The following FYN variants were observed in gnomAD, a reference collection of about 807,000 sequenced individuals.
The protein encoded by FYN is tyrosine-protein kinase Fyn.
FYN carries 10 observed loss-of-function variants against 70.2 expected under a neutral mutation model. That is an observed-to-expected ratio of 0.14 (90% CI 0.09 to 0.24). FYN has a LOEUF of 0.24. FYN is among the 10% of genes least tolerant of loss of function. FYN has a pLI of 1.00. For synonymous variants in FYN, 236 were observed against 248.6 expected, an observed-to-expected ratio of 0.95 and a Z score of 0.48; for missense variants, 319 against 673.1, an observed-to-expected ratio of 0.47 and a Z score of 5.82.
intron 1 of FYN, among the ~76,000 whole-genome samples, chr6:111,847,926 T>C (rs1189983700): frequency 6.6e-6 from 1 of 152,188 alleles, no homozygotes; most frequent in Non-Finnish European, 1.5e-5. Context: ...TAGCAACCCA[T>C]ATCATCTCAC....
chr6:111,666,092 C>T (rs764747747), intron 13 of FYN, among the ~76,000 whole-genome samples: 49 of 150,016 alleles, frequency 3.3e-4, no homozygotes, highest in Non-Finnish European at 6.2e-4. Flanking sequence ...ACCTCCACCT[C>T]CCTGGTTCAA....
intron 2 of FYN, among the ~76,000 whole-genome samples, chr6:111,802,859 C>T (rs1438060903): frequency 2.0e-5 from 3 of 152,048 alleles, no homozygotes; most frequent in Non-Finnish European, 4.4e-5. Flanking sequence ...CCACAGTCCA[C>T]TTAACCACTA....
chr6:111,867,990 G>A (rs1774163209), intron 1 of FYN, among the ~76,000 whole-genome samples: 1 of 152,048 alleles, frequency 6.6e-6, no homozygotes, highest in South Asian at 2.1e-4. Flanking sequence ...TTCCCCAAAA[G>A]GTCTGTGCAT....
Position 111,694,745 on chromosome 6 carries a change from G to A in FYN, c.1043-41C>T. ...AAAATCATTTCAATTTACTTTGAAA[G>A]ATAATTCCCAACAGAGAGCTGTATT... On this transcript the variant is annotated intron_variant, in intron 10 of 13. Transcript: ENST00000354650. The surrounding 1 kb of genome is among the most constrained non-coding windows in gnomAD (Gnocchi z 5.0). The A allele has an allele frequency of 6.6e-7, 1 of 1,524,304 alleles. No individual in the cohort carries two copies. Among genetic ancestry groups the A allele is most frequent in the Non-Finnish European group, 9.1e-7 (1 of 1,104,578 alleles). 94.4% of individuals were successfully genotyped at this position (1,524,304 alleles called of 1,614,324 possible).
intron 12 of FYN, among the ~76,000 whole-genome samples, chr6:111,675,081 C>A (rs1798473498): frequency 6.6e-6 from 1 of 152,128 alleles, no homozygotes. Flanking sequence ...ATGTGTTCTG[C>A]TGAAATGTGT....
intron 1 of FYN, among the ~76,000 whole-genome samples, chr6:111,862,609 G>T (rs1210275392): frequency 1.3e-5 from 2 of 152,138 alleles, no homozygotes; most frequent in East Asian, 3.9e-4. Flanking sequence ...GTCAAAAAGG[G>T]GAGCGGCATA....
chr6:111,836,979 T>C (rs995558970), intron 2 of FYN, among the ~76,000 whole-genome samples: 6 of 152,190 alleles, frequency 3.9e-5, no homozygotes, highest in African/African-American at 1.4e-4. Flanking sequence ...TATTTATTAA[T>C]ACCAAATATA....
intron 1 of FYN, among the ~76,000 whole-genome samples, chr6:111,852,235 T>C (rs557057847): frequency 2.0e-5 from 3 of 152,324 alleles, no homozygotes; most frequent in East Asian, 1.9e-4. Flanking sequence ...TTAACCATGG[T>C]TGACATAAAT....
At chr6:111,817,672 ATCTG>A (rs1384550252) in intron 2 of FYN, among the ~76,000 whole-genome samples, 3 of 152,188 alleles carry the variant, frequency 2.0e-5, no homozygotes, top group Non-Finnish European at 2.9e-5. Context: ...AATGGACTCC[ATCTG>A]TCGGCTCCTC....
intron 2 of FYN, among the ~76,000 whole-genome samples, chr6:111,841,988 AAC>A (rs35832854): frequency 0.23 from 33,527 of 147,544 alleles, 5,051 homozygotes; most frequent in African/African-American, 0.45. Flanking sequence ...CTTCCTCCTA[AAC>A]ACACACACAC....
intron 2 of FYN, among the ~76,000 whole-genome samples, chr6:111,818,291 T>C (rs1347478132): frequency 6.6e-6 from 1 of 152,106 alleles, no homozygotes; most frequent in Admixed American, 6.5e-5. Context: ...CTGGGTGCAA[T>C]ATCAATCCAG....
intron 2 of FYN, among the ~76,000 whole-genome samples, chr6:111,844,248 G>A (rs1334349586): frequency 6.6e-6 from 1 of 152,184 alleles, no homozygotes; most frequent in Non-Finnish European, 1.5e-5. Context: ...TCAAAATAAA[G>A]CTAATTTTCC....
intron 8 of FYN, 90 bp from the exon 9 acceptor site, chr6:111,700,358 G>T: frequency 7.5e-7 from 1 of 1,329,186 alleles, no homozygotes; most frequent in Non-Finnish European, 1.0e-6. Flanking sequence ...CACTAGCGGC[G>T]CACAGTGCTC....
intron 1 of FYN, among the ~76,000 whole-genome samples, chr6:111,857,694 C>T (rs1245297122): frequency 6.7e-6 from 1 of 149,890 alleles, no homozygotes; most frequent in Non-Finnish European, 1.5e-5. Context: ...CTACTTATGG[C>T]AGAAAAAAAA....
intron 2 of FYN, among the ~76,000 whole-genome samples, chr6:111,829,288 T>C (rs1218653354): frequency 6.6e-6 from 1 of 152,172 alleles, no homozygotes; most frequent in Non-Finnish European, 1.5e-5. Flanking sequence ...CTTGAACAAG[T>C]AGTACTCTCC....
At chr6:111,736,044 T>G (rs1801695188) in intron 3 of FYN, among the ~76,000 whole-genome samples, 1 of 152,180 alleles carries the variant, frequency 6.6e-6, no homozygotes, top group African/African-American at 2.4e-5. Flanking sequence ...GATAGACATC[T>G]GCAATGCAGG....
intron 3 of FYN, among the ~76,000 whole-genome samples, chr6:111,765,774 T>TA (rs35232125): frequency 3.7e-4 from 52 of 142,176 alleles, no homozygotes; most frequent in South Asian, 1.1e-3. Flanking sequence ...GACTAGAAAT[T>TA]AAAAAAAAAA....
intron 2 of FYN, among the ~76,000 whole-genome samples, chr6:111,803,709 A>G (rs1258236405): frequency 6.6e-6 from 1 of 152,178 alleles, no homozygotes; most frequent in Non-Finnish European, 1.5e-5. Context: ...GTCTTTGCTT[A>G]TGGCTTTGAC....
At chr6:111,671,310 C>T (rs1229297718) in intron 13 of FYN, among the ~76,000 whole-genome samples, 2 of 152,158 alleles carry the variant, frequency 1.3e-5, no homozygotes, top group African/African-American at 4.8e-5. Flanking sequence ...TTTGGTCACA[C>T]CTCACATACT....
Sources: gnomAD v4.1 joint callset for allele counts (sites outside exome capture counted in the v4.1 genomes callset) on GRCh38, gnomAD v4.1.1 for gene constraint, Gnocchi (gnomAD v3.1) non-coding constraint, MANE v1.5 for transcripts, NCBI Gene and HGNC (gene_info 2026-07-23, HGNC 2026-07-21) for gene names.